Variants in VAV3 observed in about 807,000 individuals in gnomAD.
VAV3 encodes the protein vav guanine nucleotide exchange factor 3.
A neutral mutation model predicts 131.2 loss-of-function variants in VAV3; 94 were observed. The observed-to-expected ratio is 0.72, with a 90% CI of 0.61 to 0.85. The LOEUF is 0.85. Ranked by LOEUF, VAV3 falls within the 40% of genes least tolerant of loss-of-function variation. The pLI is 0.00. For synonymous variants in VAV3, 349 were observed against 342.0 expected (o/e 1.02, Z -0.22); for missense variants, 939 against 1,002.7 (o/e 0.94, Z 0.86).
intron 9 of VAV3, among the ~76,000 whole-genome samples, chr1:107,762,652 T>C (rs1162550017): frequency 2.0e-5 from 3 of 152,172 alleles, no homozygotes; most frequent in African/African-American, 7.2e-5. Flanking sequence ...AACACAGTGG[T>C]AGGAACAGAA....
intron 1 of VAV3, among the ~76,000 whole-genome samples, chr1:107,893,686 C>A (rs1671426342): frequency 6.6e-6 from 1 of 152,082 alleles, no homozygotes; most frequent in Non-Finnish European, 1.5e-5. Flanking sequence ...GATTCAATTA[C>A]CTCCCACCAG....
chr1:107,709,644 G>A (rs1194461951), intron 15 of VAV3, among the ~76,000 whole-genome samples: 5 of 152,144 alleles, frequency 3.3e-5, no homozygotes, highest in Admixed American at 3.3e-4. Flanking sequence ...GGGACCAGGT[G>A]GAGATAACTG....
At chr1:107,692,926 A>C (rs904162222) in intron 17 of VAV3, among the ~76,000 whole-genome samples, 4 of 152,198 alleles carry the variant, frequency 2.6e-5, no homozygotes, top group Non-Finnish European at 4.4e-5. Flanking sequence ...GATGCAAAGC[A>C]AGCTATACTG....
rs1161165781 is a variant in VAV3 at position 107,734,539 on chromosome 1, A to T, written c.1502+14429T>A. On this transcript the variant is annotated intron_variant, in intron 15 of 26. Coordinates refer to ENST00000370056, the MANE Select transcript of VAV3 (RefSeq NM_006113.5). ...ATCTACCAACCAGATGGAAAGCAAA[A>T]GAAAAGCAGGCCTTGCAATCCTAGT... Among the ~76,000 whole-genome samples, 5 of 152,324 alleles carry T rather than the reference A, an allele frequency of 3.3e-5. No individual in the cohort carries two copies. The East Asian group carries it at 7.7e-4, about 23-fold the overall frequency.
chr1:107,680,915 T>C (rs1658557668), intron 19 of VAV3, among the ~76,000 whole-genome samples: 1 of 152,108 alleles, frequency 6.6e-6, no homozygotes, highest in Non-Finnish European at 1.5e-5. Context: ...CTATGCTGTG[T>C]TTCATTAGCA....
At chr1:107,927,598 T>C (rs2101186934) in intron 1 of VAV3, among the ~76,000 whole-genome samples, 1 of 152,030 alleles carries the variant, frequency 6.6e-6, no homozygotes, top group East Asian at 1.9e-4. Flanking sequence ...TGACAAGCTG[T>C]CTGAAGAGCC....
chr1:107,860,097 A>G (rs2100981551), intron 2 of VAV3, among the ~76,000 whole-genome samples: 1 of 152,300 alleles, frequency 6.6e-6, no homozygotes, highest in East Asian at 1.9e-4. Context: ...TATAATAGAT[A>G]GTAGATGAAT....
intron 25 of VAV3, among the ~76,000 whole-genome samples, chr1:107,591,583 G>A (rs1650956328): frequency 6.6e-6 from 1 of 152,162 alleles, no homozygotes; most frequent in South Asian, 2.1e-4. Flanking sequence ...GCAGGCAAAA[G>A]AAGGACACTG....
chr1:107,889,140 T>A (rs1183409069), intron 1 of VAV3, among the ~76,000 whole-genome samples: 1 of 148,922 alleles, frequency 6.7e-6, no homozygotes, highest in African/African-American at 2.5e-5. Flanking sequence ...AGAGTGTGTG[T>A]GTGTGTGTGT....
intron 1 of VAV3, among the ~76,000 whole-genome samples, chr1:107,912,045 T>TTTTG (rs145523872): frequency 2.0e-5 from 3 of 152,186 alleles, no homozygotes; most frequent in Non-Finnish European, 4.4e-5. Flanking sequence ...ACCAAGTGTT[T>TTTTG]TTTGTTTGTT....
intron 15 of VAV3, among the ~76,000 whole-genome samples, chr1:107,746,439 G>A (rs921838931): frequency 6.6e-6 from 1 of 152,142 alleles, no homozygotes; most frequent in Non-Finnish European, 1.5e-5. Context: ...GAGATGCTTG[G>A]AAAACAATCA....
chr1:107,572,908 C>T lies in VAV3; in HGVS notation c.*423G>A. 1 of 163,748 alleles carries T rather than the reference C, an allele frequency of 6.1e-6. No individual in the cohort carries two copies. Among genetic ancestry groups the T allele is most frequent in the Non-Finnish European group, 1.3e-5 (1 of 75,956 alleles). 10.1% of individuals were successfully genotyped at this position (163,748 alleles called of 1,614,324 possible). A position where few individuals can be genotyped will look rare whatever the true frequency, so the allele number is the denominator to read the frequency against. On this transcript the variant is annotated 3_prime_UTR_variant, in exon 27 of 27. Coordinates refer to ENST00000370056, the MANE Select transcript of VAV3 (RefSeq NM_006113.5). Reference sequence around the variant, plus strand: ...CGTCATGCTGGGAAAAGGAAAATTACACTTCTGCTTCTTTGTACCATCAAA... The same window carrying T: ...CGTCATGCTGGGAAAAGGAAAATTATACTTCTGCTTCTTTGTACCATCAAA...
At chr1:107,655,969 G>A (rs1656520137) in intron 19 of VAV3, among the ~76,000 whole-genome samples, 1 of 152,044 alleles carries the variant, frequency 6.6e-6, no homozygotes, top group Non-Finnish European at 1.5e-5. Context: ...GTGAGGGTGT[G>A]GAGAAAGGGG....
intron 19 of VAV3, among the ~76,000 whole-genome samples, chr1:107,667,597 TACACAC>T (rs530296068): frequency 6.6e-6 from 1 of 151,642 alleles, no homozygotes; most frequent in South Asian, 2.1e-4. Context: ...AGGATTATTA[TACACAC>T]ACACACACAA....
At chr1:107,646,647 T>C (rs1347451797) in intron 19 of VAV3, among the ~76,000 whole-genome samples, 1 of 152,096 alleles carries the variant, frequency 6.6e-6, no homozygotes, top group Non-Finnish European at 1.5e-5. Flanking sequence ...ATGCCCTTAA[T>C]ATATAACTTG....
rs140793122 is a variant in VAV3, at chr1:107,884,405, T to TTTA, written c.205-9391_205-9389dup. On this transcript the variant is annotated intron_variant, in intron 1 of 26. Transcript: ENST00000370056. ...TACCCCCAAAATTAAAAATAAATTA[T>TTTA]TTATTATTATTATTATTATTATTAT... Among the ~76,000 whole-genome samples, 848 of 141,678 alleles carry TTTA rather than the reference T, an allele frequency of 6.0e-3. 6 individuals carry two copies. The highest frequency in any genetic ancestry group is 9.4e-3 in the Admixed American group (133 of 14,122). 92.9% of individuals were successfully genotyped at this position (141,678 alleles called of 152,430 possible). A position where few individuals can be genotyped will look rare whatever the true frequency, so the allele number is the denominator to read the frequency against.
At chr1:107,662,065 T>C (rs560301468) in intron 19 of VAV3, among the ~76,000 whole-genome samples, 16 of 152,344 alleles carry the variant, frequency 1.1e-4, no homozygotes, top group Admixed American at 7.8e-4. Context: ...ATGTGAATAA[T>C]TGTTTACATG....
At chr1:107,868,707 T>C (rs1670116765) in intron 2 of VAV3, among the ~76,000 whole-genome samples, 1 of 152,192 alleles carries the variant, frequency 6.6e-6, no homozygotes, top group Admixed American at 6.6e-5. Context: ...ATAGGAGATG[T>C]AGAGGCTTAA....
At chr1:107,642,919 T>C (rs908679389) in intron 19 of VAV3, among the ~76,000 whole-genome samples, 164 bp from the exon 20 acceptor site, 23 of 152,164 alleles carry the variant, frequency 1.5e-4, no homozygotes, top group Admixed American at 1.1e-3. Context: ...AACTTTCTCA[T>C]TATATGAGAT....
Sources: gnomAD v4.1 joint callset for allele counts (sites outside exome capture counted in the v4.1 genomes callset) on GRCh38, gnomAD v4.1.1 for gene constraint, MANE v1.5 for transcripts, NCBI Gene and HGNC (gene_info 2026-07-23, HGNC 2026-07-21) for gene names.